NRG1: variants seen among roughly 807,000 people sequenced by gnomAD.
The protein encoded by NRG1 is neuregulin 1.
NRG1 carries 18 observed loss-of-function variants against 63.8 expected under a neutral mutation model. That is an observed-to-expected ratio of 0.28 (90% CI 0.19 to 0.42). NRG1 has a LOEUF of 0.42. NRG1 is among the 10% of genes least tolerant of loss of function. The pLI is 1.00. For synonymous variants in NRG1, 302 were observed against 301.3 expected, an observed-to-expected ratio of 1.00 and a Z score of -0.02; for missense variants, 762 against 814.7, an observed-to-expected ratio of 0.94 and a Z score of 0.79.
chr8:31,936,804 C>A (rs1800972816), intron 1 of NRG1, among the ~76,000 whole-genome samples: 1 of 152,152 alleles, frequency 6.6e-6, no homozygotes, highest in Admixed American at 6.5e-5. Context: ...TAAGCACATA[C>A]AACCAAAACA....
Position 32,700,010 on chromosome 8 carries a change from C to T in NRG1, c.503-27939C>T, listed in dbSNP as rs549375211. Reference sequence around the variant, plus strand: ...AGTAAAGTCACAATGTTGTACAACTCATTACCACTATCTAACTCCAGGATA... The same window carrying T: ...AGTAAAGTCACAATGTTGTACAACTTATTACCACTATCTAACTCCAGGATA... On this transcript the variant is annotated intron_variant, in intron 5 of 11. Transcript: ENST00000356819. 1.1e-4 allele frequency among the ~76,000 whole-genome samples: 17 copies of T among 152,218 alleles called. No individual in the cohort carries two copies. The East Asian group carries it at 3.3e-3, about 29-fold the overall frequency.
intron 1 of NRG1, among the ~76,000 whole-genome samples, chr8:32,463,874 C>CTTTTTTTTTTTTTTTTTTTTTTTTTTT (rs756489856): frequency 4.7e-5 from 2 of 42,338 alleles, no homozygotes; most frequent in African/African-American, 9.7e-5. Flanking sequence ...ACTTAGAATT[C>CTTTTTTTTTTTTTTTTTTTTTTTTTTT]TTTTTTTTTT....
At chr8:31,906,865 T>C (rs534078936) in intron 1 of NRG1, among the ~76,000 whole-genome samples, 2 of 152,182 alleles carry the variant, frequency 1.3e-5, no homozygotes, top group East Asian at 3.9e-4. Flanking sequence ...GCTCAAAGTC[T>C]AGAGGAAATA....
chr8:32,154,433 T>G (rs1365194891), intron 1 of NRG1, among the ~76,000 whole-genome samples: 1 of 151,426 alleles, frequency 6.6e-6, no homozygotes, highest in Non-Finnish European at 1.5e-5. Flanking sequence ...CAGTCCCACT[T>G]CCTCTCTTCC....
chr8:32,546,164 T>C (rs939521545), upstream of NRG1, among the ~76,000 whole-genome samples: 6 of 152,138 alleles, frequency 3.9e-5, no homozygotes, highest in Non-Finnish European at 8.8e-5. Context: ...TGAAAATGTA[T>C]CACAAAATCG....
chr8:31,768,295 G>T (rs972535603), intron 1 of NRG1, among the ~76,000 whole-genome samples: 1 of 152,116 alleles, frequency 6.6e-6, no homozygotes, highest in African/African-American at 2.4e-5. Flanking sequence ...TTATATTCTG[G>T]AAAGAACCAT....
intron 1 of NRG1, among the ~76,000 whole-genome samples, chr8:32,283,413 G>A (rs551199243): frequency 1.3e-5 from 2 of 152,240 alleles, no homozygotes; most frequent in African/African-American, 2.4e-5. Context: ...CTGGGGCAAG[G>A]TAGTATCCAG....
chr8:31,723,937 C>T (rs1207268286), intron 1 of NRG1, among the ~76,000 whole-genome samples: 8 of 152,122 alleles, frequency 5.3e-5, no homozygotes, highest in Non-Finnish European at 1.2e-4. Context: ...TTTCCCCAAA[C>T]GTTCTTAGTT....
chr8:31,997,808 C>T (rs1190639707), intron 1 of NRG1, among the ~76,000 whole-genome samples: 1 of 151,986 alleles, frequency 6.6e-6, no homozygotes, highest in Non-Finnish European at 1.5e-5. Flanking sequence ...GTCTTAAGAA[C>T]TTACATGTGT....
chr8:32,513,432 G>A (rs1441772749), intron 1 of NRG1, among the ~76,000 whole-genome samples: 2 of 151,384 alleles, frequency 1.3e-5, no homozygotes, highest in Non-Finnish European at 2.9e-5. Flanking sequence ...AAAAAAAGTG[G>A]TCATGATTTC....
chr8:31,669,548 A>AT (rs1806902030), intron 1 of NRG1, among the ~76,000 whole-genome samples: 1 of 152,082 alleles, frequency 6.6e-6, no homozygotes, highest in Non-Finnish European at 1.5e-5. Context: ...CTTATACAAT[A>AT]TTTTTAATAA....
chr8:32,502,111 A>G (rs35183576), intron 1 of NRG1, among the ~76,000 whole-genome samples: 23,444 of 152,120 alleles, frequency 0.15, 2,134 homozygotes, highest in Non-Finnish European at 0.19. Flanking sequence ...AGGTTGACTC[A>G]CAGCTCTGTA....
At chr8:31,723,792 A>G (rs1813154760) in intron 1 of NRG1, among the ~76,000 whole-genome samples, 2 of 152,180 alleles carry the variant, frequency 1.3e-5, no homozygotes, top group Admixed American at 1.3e-4. Context: ...AGAAATGAAG[A>G]AAGTGAGACC....
chr8:31,957,351 G>T (rs1032195074), intron 1 of NRG1, among the ~76,000 whole-genome samples: 2 of 152,060 alleles, frequency 1.3e-5, no homozygotes, highest in Non-Finnish European at 2.9e-5. Context: ...TGATTAAAAT[G>T]CAGTCCAGAA....
At chr8:32,075,908 A>G (rs1238138771) in intron 1 of NRG1, among the ~76,000 whole-genome samples, 1 of 151,700 alleles carries the variant, frequency 6.6e-6, no homozygotes, top group Non-Finnish European at 1.5e-5. Context: ...CTTGACCTCA[A>G]GTGATCCGCC....
At chr8:31,979,876 T>G (rs1287121261) in intron 1 of NRG1, among the ~76,000 whole-genome samples, 1 of 152,098 alleles carries the variant, frequency 6.6e-6, no homozygotes, top group East Asian at 1.9e-4. Flanking sequence ...TTTTATTAAT[T>G]CTTTACAGCT....
chr8:32,098,649 G>A (rs772448749), intron 1 of NRG1: 1 of 152,158 alleles, frequency 6.6e-6, no homozygotes, highest in Non-Finnish European at 1.5e-5. Context: ...TAAACTGCCT[G>A]GCTTTTGTAA....
At chr8:31,758,869 C>G (rs1403425803) in intron 1 of NRG1, among the ~76,000 whole-genome samples, 1 of 152,140 alleles carries the variant, frequency 6.6e-6, no homozygotes, top group Non-Finnish European at 1.5e-5. Context: ...TTATACCATT[C>G]TTCACTACCT....
intron 5 of NRG1, among the ~76,000 whole-genome samples, chr8:32,713,883 G>A (rs538804422): frequency 7.3e-5 from 11 of 150,930 alleles, no homozygotes; most frequent in South Asian, 2.1e-4. Flanking sequence ...GGAGTGCAGC[G>A]GTGCGATCTC....
Sources: allele counts gnomAD v4.1 joint callset (sites outside exome capture counted in the v4.1 genomes callset), GRCh38; gene constraint gnomAD v4.1.1; transcripts MANE v1.5; gene names NCBI Gene and HGNC (gene_info 2026-07-23, HGNC 2026-07-21).